The following NPAS3 variants were observed in gnomAD, a reference collection of about 807,000 sequenced individuals.
NPAS3 encodes neuronal PAS domain-containing protein 3.
In NPAS3, 14 loss-of-function variants were observed where a neutral mutation model predicts 73.1. That is an observed-to-expected ratio of 0.19 (90% CI 0.13 to 0.30). The LOEUF (loss-of-function observed/expected upper bound fraction) is 0.30. Ranked by LOEUF, NPAS3 falls within the 10% of genes least tolerant of loss-of-function variation. The probability of loss-of-function intolerance (pLI) is 1.00; values close to 1 mark genes in which losing one functional copy is unlikely to be tolerated. For missense variants in NPAS3, 1,096 were observed against 1,250.0 expected, an observed-to-expected ratio of 0.88 and a Z score of 1.86; for synonymous variants, 620 against 541.5, an observed-to-expected ratio of 1.14 and a Z score of -2.01.
rs115052835 is a variant in NPAS3 at position 32,956,334 on chromosome 14, T to C, written c.50+16968T>C. On this transcript the variant is annotated intron_variant, in intron 1 of 11. Coordinates refer to ENST00000356141, the Ensembl canonical transcript of NPAS3. ...AGGGATTTCTCCTCTGTTGGCACAA[T>C]TCAGTTATCACATGGCCTTGTGTAT... is the stretch of plus-strand genomic sequence containing the variant. Among the ~76,000 whole-genome samples, 546 of 152,288 alleles carry C rather than the reference T, an allele frequency of 3.6e-3. 1 individual carries two copies. The highest frequency in any genetic ancestry group is 0.012 in the African/African-American group (510 of 41,576).
At chr14:33,035,295 C>A (rs1011823439) in intron 1 of NPAS3, among the ~76,000 whole-genome samples, 1 of 152,096 alleles carries the variant, frequency 6.6e-6, no homozygotes, top group Non-Finnish European at 1.5e-5. Context: ...GTTATTATTA[C>A]CTAGAAGCAG....
At chr14:33,376,324 C>T (rs563747768) in intron 4 of NPAS3, among the ~76,000 whole-genome samples, 3 of 152,066 alleles carry the variant, frequency 2.0e-5, no homozygotes, top group African/African-American at 7.2e-5. Context: ...TGCTTTAACT[C>T]ATTATATATA....
intron 4 of NPAS3, among the ~76,000 whole-genome samples, chr14:33,425,092 A>C (rs2139075282): frequency 6.6e-6 from 1 of 152,114 alleles, no homozygotes; most frequent in African/African-American, 2.4e-5. Context: ...ACAGACAATA[A>C]ACAGCATCAA....
At chr14:32,951,434 C>G (rs2036480771) in intron 1 of NPAS3, among the ~76,000 whole-genome samples, 1 of 151,808 alleles carries the variant, frequency 6.6e-6, no homozygotes, top group Admixed American at 6.6e-5. Context: ...AAATATTTTT[C>G]TTCATGAAAA....
At chr14:33,560,341 G>C in intron 5 of NPAS3, 131 bp downstream of exon 5, 3 of 512,450 alleles carry the variant, frequency 5.9e-6, no homozygotes, top group Non-Finnish European at 7.1e-6. Context: ...TTACCTGACT[G>C]TTCTCTCAAA....
intron 2 of NPAS3, among the ~76,000 whole-genome samples, chr14:33,058,368 T>C (rs1191892678): frequency 6.6e-6 from 1 of 152,214 alleles, no homozygotes; most frequent in Non-Finnish European, 1.5e-5. Flanking sequence ...TGTCAAACCA[T>C]AAATTTCCTG....
At chr14:33,471,379 C>T (rs910832240) in intron 4 of NPAS3, among the ~76,000 whole-genome samples, 3 of 152,184 alleles carry the variant, frequency 2.0e-5, no homozygotes, top group Non-Finnish European at 4.4e-5. Context: ...AGCAAGGTTT[C>T]CCTTATCTTA....
At chr14:33,113,597 A>G (rs1425100572) in intron 2 of NPAS3, among the ~76,000 whole-genome samples, 2 of 152,150 alleles carry the variant, frequency 1.3e-5, no homozygotes, top group South Asian at 2.1e-4. Flanking sequence ...TAAATATACA[A>G]TCATGTCATC....
At chr14:33,725,756 C>T (rs1204001938) in intron 6 of NPAS3, among the ~76,000 whole-genome samples, 2 of 152,150 alleles carry the variant, frequency 1.3e-5, no homozygotes, top group African/African-American at 4.8e-5. Context: ...TTAAGCCAGG[C>T]AACTTCTAGC....
rs115301295 is a variant in NPAS3, at chr14:33,451,654, C to A, written c.468+84386C>A. 1.7e-3 allele frequency among the ~76,000 whole-genome samples: 257 copies of A among 152,002 alleles called. 1 individual carries two copies. The highest frequency in any genetic ancestry group is 6.1e-3 in the African/African-American group (251 of 41,470). On this transcript the variant is annotated intron_variant, in intron 4 of 11. Coordinates refer to ENST00000356141, the Ensembl canonical transcript of NPAS3. ...ACAATACGGTTCATTGTTATGGTTT[C>A]TTTAGGTTCATTTCACTTTCATGGA...
chr14:32,997,706 C>T (rs949257048), intron 1 of NPAS3, among the ~76,000 whole-genome samples: 6 of 149,522 alleles, frequency 4.0e-5, no homozygotes, highest in African/African-American at 5.0e-5. Context: ...GGGTGGATCA[C>T]GAGGTCAGGA....
downstream of NPAS3, chr14:33,801,331 C>A: frequency 2.4e-6 from 2 of 830,616 alleles, no homozygotes; most frequent in Non-Finnish European, 3.6e-6. Context: ...CAGTTGCCTG[C>A]CGTTTTGTCT....
chr14:33,369,555 T>A (rs1264159011), intron 4 of NPAS3, among the ~76,000 whole-genome samples: 1 of 152,158 alleles, frequency 6.6e-6, no homozygotes, highest in Non-Finnish European at 1.5e-5. Flanking sequence ...GGAATAAGTT[T>A]GAAGCTGTAG....
chr14:32,985,479 A>T (rs1333066158), intron 1 of NPAS3, among the ~76,000 whole-genome samples: 7 of 152,208 alleles, frequency 4.6e-5, no homozygotes, highest in Non-Finnish European at 1.0e-4. Context: ...TTCAAGAATT[A>T]ATATTTCTGC....
intron 3 of NPAS3, among the ~76,000 whole-genome samples, chr14:33,359,579 A>G (rs2045498172): frequency 6.6e-6 from 1 of 152,196 alleles, no homozygotes; most frequent in East Asian, 1.9e-4. Context: ...AAGGCTTTTA[A>G]GACAGTTTGC....
intron 2 of NPAS3, among the ~76,000 whole-genome samples, chr14:33,068,549 G>C (rs1341452214): frequency 6.6e-6 from 1 of 152,166 alleles, no homozygotes; most frequent in African/African-American, 2.4e-5. Context: ...GATTCTCAAA[G>C]TTGGATGGCA....
chr14:33,550,986 G>GT (rs1453108025), intron 4 of NPAS3, among the ~76,000 whole-genome samples: 3 of 152,134 alleles, frequency 2.0e-5, no homozygotes, highest in African/African-American at 7.2e-5. Flanking sequence ...ATTTATAGCT[G>GT]TATGTGGTTC....
At chr14:33,356,013 A>C (rs1566826730) in intron 3 of NPAS3, among the ~76,000 whole-genome samples, 1 of 152,228 alleles carries the variant, frequency 6.6e-6, no homozygotes, top group Non-Finnish European at 1.5e-5. Context: ...CCTGGCACTT[A>C]GTAGGCCCTC....
chr14:32,977,191 T>C lies in NPAS3; in HGVS notation c.50+37825T>C, dbSNP rs558043109. 3.3e-5 allele frequency among the ~76,000 whole-genome samples: 5 copies of C among 152,258 alleles called. No individual in the cohort carries two copies. The South Asian group carries it at 1.0e-3, about 32-fold the overall frequency. On this transcript the variant is annotated intron_variant, in intron 1 of 11. Coordinates refer to ENST00000356141, the Ensembl canonical transcript of NPAS3. Reference sequence around the variant, plus strand: ...TAGTCCCATAGGTAAACTTTCATTTTCCGTATTTTGGAGCTGGCATCAAGA... The same window carrying C: ...TAGTCCCATAGGTAAACTTTCATTTCCCGTATTTTGGAGCTGGCATCAAGA...
Sources: allele counts gnomAD v4.1 joint callset (sites outside exome capture counted in the v4.1 genomes callset), GRCh38; gene constraint gnomAD v4.1.1; transcripts MANE v1.5; gene names NCBI Gene and HGNC (gene_info 2026-07-23, HGNC 2026-07-21).